Variants in KIF6 observed in about 807,000 individuals in gnomAD.
KIF6 encodes the protein kinesin-like protein KIF6.
In KIF6, 106 loss-of-function variants were observed where a neutral mutation model predicts 112.7. That is an observed-to-expected ratio of 0.94 (90% CI 0.80 to 1.11). KIF6 has a LOEUF of 1.11. KIF6 is among the 50% of genes least tolerant of loss of function. The pLI is 0.00. For missense variants in KIF6, 929 were observed against 964.0 expected (o/e 0.96, Z 0.48); for synonymous variants, 339 against 339.9 (o/e 1.00, Z 0.03).
At chr6:39,678,961 C>T (rs1031061328) in intron 3 of KIF6, among the ~76,000 whole-genome samples, 1 of 152,110 alleles carries the variant, frequency 6.6e-6, no homozygotes, top group Non-Finnish European at 1.5e-5. Flanking sequence ...TAGACATTCA[C>T]CGCAGAGGAA....
intron 13 of KIF6, among the ~76,000 whole-genome samples, chr6:39,458,179 A>C (rs955528726): frequency 6.8e-6 from 1 of 147,924 alleles, no homozygotes; most frequent in African/African-American, 2.5e-5. Context: ...CACCATGATC[A>C]AGTGGGCTTC....
intron 3 of KIF6, among the ~76,000 whole-genome samples, chr6:39,669,386 A>G (rs1306683982): frequency 1.3e-5 from 2 of 152,236 alleles, no homozygotes; most frequent in African/African-American, 2.4e-5. Flanking sequence ...AAGCACACAC[A>G]TATGGATTTA....
chr6:39,425,122 C>T (rs1244109344), intron 14 of KIF6, among the ~76,000 whole-genome samples: 2 of 152,128 alleles, frequency 1.3e-5, no homozygotes, highest in Non-Finnish European at 2.9e-5. Flanking sequence ...GGCTGGTGTT[C>T]GTTCAGCAGC....
rs1763769865 is a variant in KIF6, at chr6:39,346,132, C to CCTCTCTCTCTCCCTCTCTCTCTCT, written c.2231+343_2232-343insAGAGAGAGAGAGGGAGAGAGAGAG. ...CTCCCTCTCCCTCTCCCTCCCTCTCCCTCTCTCTCTCTCTCTCTCTCTCTC... is the reference window on the plus strand; with the variant it reads ...CTCCCTCTCCCTCTCCCTCCCTCTCCCTCTCTCTCTCCCTCTCTCTCTCTCTCTCTCTCTCTCTCTCTCTCTCTC... On this transcript the variant is annotated intron_variant, in intron 20 of 22. Coordinates refer to ENST00000287152, the MANE Select transcript of KIF6 (RefSeq NM_145027.6). Among the ~76,000 whole-genome samples the CCTCTCTCTCTCCCTCTCTCTCTCT allele has an allele frequency of 9.7e-4, 26 of 26,934 alleles. 2 individuals are homozygous for CCTCTCTCTCTCCCTCTCTCTCTCT. In the East Asian group the frequency reaches 0.015, roughly 16 times the overall value. 17.7% of individuals were successfully genotyped at this position (26,934 alleles called of 152,430 possible).
chr6:39,462,170 G>A (rs978188399), intron 13 of KIF6, among the ~76,000 whole-genome samples: 7 of 152,082 alleles, frequency 4.6e-5, no homozygotes, highest in African/African-American at 1.7e-4. Flanking sequence ...TTTACTTTAT[G>A]GCCAAAGAAA....
At chr6:39,635,224 C>T (rs1199132467) in intron 4 of KIF6, among the ~76,000 whole-genome samples, 3 of 152,066 alleles carry the variant, frequency 2.0e-5, no homozygotes, top group Non-Finnish European at 4.4e-5. Context: ...AGTCAATATA[C>T]ACTTACAATG....
At chr6:39,347,186 T>C (rs576145879) in intron 19 of KIF6, among the ~76,000 whole-genome samples, 2 of 152,340 alleles carry the variant, frequency 1.3e-5, no homozygotes, top group South Asian at 4.1e-4. Context: ...AGCTGGTAAG[T>C]GGCAGAATCG....
At chr6:39,721,598 T>C (rs1790220685) in intron 1 of KIF6, among the ~76,000 whole-genome samples, 1 of 152,122 alleles carries the variant, frequency 6.6e-6, no homozygotes, top group African/African-American at 2.4e-5. Flanking sequence ...AATAAAAGCA[T>C]AAGATTTGTC....
chr6:39,501,684 A>T (rs1776141987), intron 13 of KIF6, among the ~76,000 whole-genome samples: 1 of 152,248 alleles, frequency 6.6e-6, no homozygotes, highest in South Asian at 2.1e-4. Context: ...TTCATAATGC[A>T]ATCACAAGTA....
At chr6:39,486,547 A>G (rs1446909872) in intron 13 of KIF6, among the ~76,000 whole-genome samples, 1 of 152,224 alleles carries the variant, frequency 6.6e-6, no homozygotes, top group Non-Finnish European at 1.5e-5. Context: ...TATACCACCA[A>G]GTTTTGGAAT....
chr6:39,410,662 A>G (rs1769413683), intron 15 of KIF6, among the ~76,000 whole-genome samples: 1 of 152,218 alleles, frequency 6.6e-6, no homozygotes, highest in Admixed American at 6.5e-5. Flanking sequence ...ATAAATTATA[A>G]TGTACCTTAC....
Position 39,349,542 on chromosome 6 carries a change from G to A in KIF6, c.2181-3016C>T, listed in dbSNP as rs181927461. ...AGAAGAGGCGAGTGGAGGAGGGAAG[G>A]AGGCAGGCAGAGGGCAGGGGGAGCA... is the stretch of plus-strand genomic sequence containing the variant. On this transcript the variant is annotated intron_variant, in intron 19 of 22. Transcript: ENST00000287152. 4.2e-3 allele frequency among the ~76,000 whole-genome samples: 645 copies of A among 151,954 alleles called. 4 individuals are homozygous for A. The highest frequency in any genetic ancestry group is 6.8e-3 in the Middle Eastern group (2 of 292).
At chr6:39,359,415 C>T (rs895727340) in intron 18 of KIF6, among the ~76,000 whole-genome samples, 4 of 152,076 alleles carry the variant, frequency 2.6e-5, no homozygotes, top group Non-Finnish European at 4.4e-5. Context: ...GAGTAAAAAA[C>T]TAGAAACAAC....
intron 2 of KIF6, among the ~76,000 whole-genome samples, chr6:39,717,172 C>G (rs1789902341): frequency 6.6e-6 from 1 of 152,038 alleles, no homozygotes; most frequent in Non-Finnish European, 1.5e-5. Flanking sequence ...CCTCCATTGC[C>G]TTCTCACGGC....
At chr6:39,680,298 A>G (rs929480620) in intron 3 of KIF6, among the ~76,000 whole-genome samples, 16 of 152,170 alleles carry the variant, frequency 1.1e-4, no homozygotes, top group African/African-American at 2.2e-4. Context: ...ATGAGCCACC[A>G]TGCCCGGGTG....
Position 39,510,821 on chromosome 6 carries a change from C to G in KIF6, c.1645+29182G>C, listed in dbSNP as rs569006630. Among the ~76,000 whole-genome samples the G allele has an allele frequency of 2.7e-5, 3 of 109,898 alleles. No homozygotes were observed. In the South Asian group the frequency reaches 9.7e-4, roughly 35 times the overall value. 72.1% of individuals were successfully genotyped at this position (109,898 alleles called of 152,430 possible). A position where few individuals can be genotyped will look rare whatever the true frequency, so the allele number is the denominator to read the frequency against. Reference sequence around the variant, plus strand: ...GATCCATCTCATGTGCAAAGACACACATAGGCTCAAAATAAAGCGATGGAA... The same window carrying G: ...GATCCATCTCATGTGCAAAGACACAGATAGGCTCAAAATAAAGCGATGGAA... On this transcript the variant is annotated intron_variant, in intron 13 of 22. Coordinates refer to ENST00000287152, the MANE Select transcript of KIF6 (RefSeq NM_145027.6).
intron 16 of KIF6, among the ~76,000 whole-genome samples, chr6:39,382,362 C>T (rs1387632360): frequency 6.6e-6 from 1 of 152,106 alleles, no homozygotes; most frequent in African/African-American, 2.4e-5. Context: ...TTGTTTCCAT[C>T]TTTATGTCTG....
chr6:39,419,494 T>C lies in KIF6; in HGVS notation c.1810+454A>G, dbSNP rs555920698. ...TCCACCTTGGGAAGGCACGATGGCT[T>C]GTTTTTGCTTCTTATCCTTCCACCA... On this transcript the variant is annotated intron_variant, in intron 15 of 22. Coordinates refer to ENST00000287152, the MANE Select transcript of KIF6 (RefSeq NM_145027.6). Among the ~76,000 whole-genome samples the C allele has an allele frequency of 9.2e-5, 14 of 152,240 alleles. No homozygotes were observed. In the East Asian group the frequency reaches 2.7e-3, roughly 29 times the overall value.
chr6:39,584,459 A>AAAAAAAAAATAAGAC (rs1561836472), intron 9 of KIF6, among the ~76,000 whole-genome samples: 1 of 128,594 alleles, frequency 7.8e-6, no homozygotes, highest in Non-Finnish European at 1.7e-5. Context: ...AAAAAAAAAA[A>AAAAAAAAAATAAGAC]AGACTATTAT....
Sources: allele counts gnomAD v4.1 joint callset (sites outside exome capture counted in the v4.1 genomes callset), GRCh38; gene constraint gnomAD v4.1.1; transcripts MANE v1.5; gene names NCBI Gene and HGNC (gene_info 2026-07-23, HGNC 2026-07-21).